Variants in ATF7IP2 observed in about 807,000 individuals in gnomAD.
The protein encoded by ATF7IP2 is activating transcription factor 7-interacting protein 2.
Under a neutral mutation model 64.2 loss-of-function variants are expected in ATF7IP2, and 42 were observed. The ratio of observed to expected loss-of-function variants is 0.65; its 90% confidence interval spans 0.51 to 0.85. The LOEUF (loss-of-function observed/expected upper bound fraction) is 0.85, where lower values mean the gene tolerates loss of function less well. Among genes scored for constraint, ATF7IP2 ranks in the 40% least tolerant of loss-of-function variants. The probability of loss-of-function intolerance (pLI) is 0.00; values close to 1 mark genes in which losing one functional copy is unlikely to be tolerated. For synonymous variants in ATF7IP2, 308 were observed against 272.8 expected (o/e 1.13, Z -1.27); for missense variants, 933 against 784.2 (o/e 1.19, Z -2.27).
At chr16:10,456,886 G>A (rs1253224532) in intron 8 of ATF7IP2, among the ~76,000 whole-genome samples, 2 of 152,104 alleles carry the variant, frequency 1.3e-5, no homozygotes, top group Non-Finnish European at 2.9e-5. Context: ...TTGAATTAAT[G>A]TACATATATA....
chr16:10,425,054 ATT>A (rs59143669), intron 3 of ATF7IP2, among the ~76,000 whole-genome samples: 2,656 of 132,112 alleles, frequency 0.02, 70 homozygotes, highest in African/African-American at 0.071. Flanking sequence ...TTTATATCAG[ATT>A]TTTTTTTTTT....
At chr16:10,402,047 A>G (rs2141774237) in intron 1 of ATF7IP2, among the ~76,000 whole-genome samples, 1 of 152,156 alleles carries the variant, frequency 6.6e-6, no homozygotes, top group African/African-American at 2.4e-5. Context: ...TAAATTTTCA[A>G]AGAACCAACT....
At chr16:10,433,771 G>A in intron 6 of ATF7IP2, 122 bp downstream of exon 6, 1 of 1,058,902 alleles carries the variant, frequency 9.4e-7, no homozygotes, top group Admixed American at 2.4e-5. Context: ...GAGCTGGTGT[G>A]TGAAAGCCAA....
Position 10,414,488 on chromosome 16 carries a change from T to A in ATF7IP2, c.-241-86T>A, listed in dbSNP as rs1596463458. 2.6e-5 allele frequency: 4 copies of A among 152,188 alleles called. No homozygotes were observed. In the South Asian group the frequency reaches 6.2e-4, roughly 24 times the overall value. 9.4% of individuals were successfully genotyped at this position (152,188 alleles called of 1,614,324 possible). A position where few individuals can be genotyped will look rare whatever the true frequency, so the allele number is the denominator to read the frequency against. The stretch of plus-strand genomic sequence containing the variant: ...TTTCTCCCCTTATTTCTTGTATGAT[T>A]TTTTTGATTTCCTTAAATTAGGCTT... On this transcript the variant is annotated intron_variant, in intron 1 of 13. Coordinates refer to ENST00000562102, the MANE Select transcript of ATF7IP2 (RefSeq NM_001393719.1).
chr16:10,408,178 G>T (rs1399626399), intron 1 of ATF7IP2, among the ~76,000 whole-genome samples: 1 of 152,150 alleles, frequency 6.6e-6, no homozygotes, highest in East Asian at 1.9e-4. Flanking sequence ...CCAAAGTGCT[G>T]GGATTGCAGA....
At chr16:10,446,384 A>G (rs1310154398) in intron 8 of ATF7IP2, 1 of 152,146 alleles carries the variant, frequency 6.6e-6, no homozygotes, top group Non-Finnish European at 1.5e-5. Flanking sequence ...TTGATTTAAG[A>G]TGGTTCTAAC....
intron 3 of ATF7IP2, among the ~76,000 whole-genome samples, chr16:10,423,026 C>T (rs553358001): frequency 6.6e-6 from 1 of 152,298 alleles, no homozygotes; most frequent in Non-Finnish European, 1.5e-5. Flanking sequence ...AGGCAGATCA[C>T]GAGGTCAGGA....
intron 8 of ATF7IP2, chr16:10,447,805 G>C (rs935212886): frequency 6.6e-6 from 1 of 152,254 alleles, no homozygotes; most frequent in Non-Finnish European, 1.5e-5. Flanking sequence ...AGGCAGGAAA[G>C]ATAACTTAAA....
At chr16:10,433,131 T>C (rs2048311993) in intron 5 of ATF7IP2, among the ~76,000 whole-genome samples, 1 of 152,090 alleles carries the variant, frequency 6.6e-6, no homozygotes, top group Admixed American at 6.6e-5. Context: ...CACATTTTAG[T>C]TTTTCCATTT....
chr16:10,467,951 C>T (rs1389961993), intron 9 of ATF7IP2, among the ~76,000 whole-genome samples: 1 of 148,274 alleles, frequency 6.7e-6, no homozygotes, highest in Non-Finnish European at 1.5e-5. Flanking sequence ...ATGATCTTGG[C>T]TTACCACAAC....
At chr16:10,395,838 T>A (rs2047410081) in intron 1 of ATF7IP2, among the ~76,000 whole-genome samples, 1 of 151,998 alleles carries the variant, frequency 6.6e-6, no homozygotes, top group African/African-American at 2.4e-5. Context: ...GGATTGGAGG[T>A]TTTCCTGCTA....
chr16:10,419,955 C>T (rs1199794229), intron 3 of ATF7IP2, among the ~76,000 whole-genome samples: 1 of 152,208 alleles, frequency 6.6e-6, no homozygotes, highest in Non-Finnish European at 1.5e-5. Context: ...AGCATCTGGC[C>T]TTTAGGCAGG....
intron 1 of ATF7IP2, among the ~76,000 whole-genome samples, chr16:10,400,683 G>T (rs1199953472): frequency 2.6e-5 from 4 of 151,950 alleles, no homozygotes; most frequent in Non-Finnish European, 5.9e-5. Flanking sequence ...TCCTTTTTGT[G>T]CGTGTGTGTG....
At chr16:10,412,387 T>G (rs972210810) in intron 1 of ATF7IP2, among the ~76,000 whole-genome samples, 1 of 152,194 alleles carries the variant, frequency 6.6e-6, no homozygotes, top group African/African-American at 2.4e-5. Context: ...CTATTGTCAT[T>G]CAGTTTGAAG....
intron 8 of ATF7IP2, chr16:10,445,940 T>C (rs1340560127): frequency 1.3e-5 from 2 of 152,254 alleles, no homozygotes; most frequent in Non-Finnish European, 2.9e-5. Context: ...GGAATCAGTA[T>C]AAATAGTTCC....
intron 1 of ATF7IP2, among the ~76,000 whole-genome samples, chr16:10,398,140 C>T (rs777501737): frequency 3.3e-5 from 5 of 151,738 alleles, no homozygotes; most frequent in African/African-American, 9.7e-5. Flanking sequence ...CCCATCTCTA[C>T]TAAAAATACA....
chr16:10,477,853 C>G (rs1215566688), intron 12 of ATF7IP2, among the ~76,000 whole-genome samples: 4 of 151,570 alleles, frequency 2.6e-5, no homozygotes, highest in Non-Finnish European at 5.9e-5. Context: ...TACTTATACA[C>G]CAATAACAGA....
intron 9 of ATF7IP2, among the ~76,000 whole-genome samples, chr16:10,471,761 ATGATGTTTCATT>A (rs2049808429): frequency 6.6e-6 from 1 of 152,116 alleles, no homozygotes; most frequent in Non-Finnish European, 1.5e-5. Context: ...CCTTCATTAC[ATGATGTTTCATT>A]TTTATAGAAG....
intron 1 of ATF7IP2, among the ~76,000 whole-genome samples, chr16:10,390,962 A>G (rs2047309414): frequency 6.6e-6 from 1 of 152,140 alleles, no homozygotes; most frequent in Non-Finnish European, 1.5e-5. Context: ...TAGGAATTTG[A>G]AGCCAGCCTG....
Sources: allele counts gnomAD v4.1 joint callset (sites outside exome capture counted in the v4.1 genomes callset), GRCh38; gene constraint gnomAD v4.1.1; transcripts MANE v1.5; gene names NCBI Gene and HGNC (gene_info 2026-07-23, HGNC 2026-07-21).